TEK: variants seen among roughly 807,000 people sequenced by gnomAD.
TEK encodes the protein TEK receptor tyrosine kinase.
In TEK, 43 loss-of-function variants were observed where a neutral mutation model predicts 131.8. The observed-to-expected ratio is 0.33, with a 90% confidence interval of 0.26 to 0.42. TEK has a LOEUF of 0.42. Among genes scored for constraint, TEK ranks in the 10% least tolerant of loss-of-function variants. The pLI, the probability that TEK is intolerant of heterozygous loss-of-function variation, is 1.00. For missense variants in TEK, 1,162 were observed against 1,384.4 expected (o/e 0.84, Z 2.55); for synonymous variants, 580 against 491.6 (o/e 1.18, Z -2.38).
intron 14 of TEK, 129 bp from the exon 15 acceptor site, chr9:27,206,453 C>T (rs1825402692): frequency 7.3e-6 from 8 of 1,102,296 alleles, no homozygotes; most frequent in Non-Finnish European, 1.1e-5. Flanking sequence ...AAACCTATTT[C>T]CCTTTCCAGT....
At chr9:27,135,816 C>A (rs545680042) in intron 1 of TEK, among the ~76,000 whole-genome samples, 1 of 152,196 alleles carries the variant, frequency 6.6e-6, no homozygotes, top group South Asian at 2.1e-4. Flanking sequence ...TGCACAGGCA[C>A]TTAGAAGCAG....
intron 1 of TEK, among the ~76,000 whole-genome samples, chr9:27,116,810 C>G (rs1455419326): frequency 6.6e-6 from 1 of 151,876 alleles, no homozygotes; most frequent in African/African-American, 2.4e-5. Context: ...CAATGACATT[C>G]CTATCCTGGG....
At chr9:27,158,171 G>A (rs1331255701) in intron 2 of TEK, 29 bp downstream of exon 2, 1 of 1,612,782 alleles carries the variant, frequency 6.2e-7, no homozygotes, top group East Asian at 2.2e-5. Flanking sequence ...TTGGGCAGGT[G>A]AGGCCCACTG....
chr9:27,193,326 C>T (rs1021576271), intron 11 of TEK, among the ~76,000 whole-genome samples: 4 of 152,120 alleles, frequency 2.6e-5, no homozygotes, highest in African/African-American at 7.2e-5. Flanking sequence ...CCCAGAGTTT[C>T]GGATTCAATG....
chr9:27,133,582 A>G (rs957818479), intron 1 of TEK, among the ~76,000 whole-genome samples: 1 of 152,180 alleles, frequency 6.6e-6, no homozygotes, highest in Non-Finnish European at 1.5e-5. Context: ...ATCTGTATCC[A>G]AATCAATTGC....
intron 12 of TEK, among the ~76,000 whole-genome samples, chr9:27,200,335 T>G (rs1394664745): frequency 3.9e-5 from 6 of 152,224 alleles, no homozygotes; most frequent in Non-Finnish European, 7.3e-5. Context: ...CTACATAAGT[T>G]TCATCCTCAT....
Position 27,229,213 on chromosome 9 carries a change from C to T in TEK, c.3356C>T (p.Ser1119Phe), listed in dbSNP as rs2131267818. The T allele has an allele frequency of 1.2e-6, 2 of 1,613,850 alleles. No individual in the cohort carries two copies. The highest frequency in any genetic ancestry group is 2.2e-5 in the South Asian group (2 of 91,082). The change falls in exon 23 of 23, where the codon TCT becomes TTT. Residue 1119 changes from serine (S) to phenylalanine (F), a missense_variant. Ser to Phe is a radical substitution (Grantham distance 155). Coordinates refer to ENST00000380036, the MANE Select transcript of TEK (RefSeq NM_000459.5). ...EKFTYAGIDC[S>F]AEEAA ...TTTACTTATGCAGGAATTGACTGTT[C>T]TGCTGAAGAAGCGGCCTAGGACAGA...
chr9:27,183,066 TG>T (rs1824450471), intron 7 of TEK, among the ~76,000 whole-genome samples: 2 of 152,220 alleles, frequency 1.3e-5, no homozygotes, highest in Admixed American at 1.3e-4. Context: ...ACTAGTTTTT[TG>T]TTTGTTGTAT....
chr9:27,139,322 A>ATTTTTTTTTTT (rs1158698852), intron 1 of TEK, among the ~76,000 whole-genome samples: 3 of 86,922 alleles, frequency 3.5e-5, no homozygotes, highest in Non-Finnish European at 6.6e-5. Context: ...AGCTTTAACA[A>ATTTTTTTTTTT]TTTTTTTTTT....
chr9:27,189,565 C>T (rs899495048), intron 9 of TEK, among the ~76,000 whole-genome samples: 5 of 152,118 alleles, frequency 3.3e-5, no homozygotes, highest in Non-Finnish European at 7.3e-5. Context: ...CCATTCCAAT[C>T]CCTTGAGTCA....
At chr9:27,133,736 G>A (rs144786429) in intron 1 of TEK, among the ~76,000 whole-genome samples, 104 of 152,274 alleles carry the variant, frequency 6.8e-4, no homozygotes, top group African/African-American at 2.4e-3. Context: ...ATGCCTGGAC[G>A]TCTCTGGGAT....
intron 1 of TEK, among the ~76,000 whole-genome samples, chr9:27,149,870 AT>A (rs1357925997): frequency 1.3e-5 from 2 of 152,180 alleles, no homozygotes; most frequent in East Asian, 3.9e-4. Context: ...CCAAAGATGC[AT>A]TTTTCCCATA....
chr9:27,119,521 G>A (rs1481659756), intron 1 of TEK, among the ~76,000 whole-genome samples: 1 of 152,164 alleles, frequency 6.6e-6, no homozygotes, highest in Non-Finnish European at 1.5e-5. Flanking sequence ...GCTTCCCTTG[G>A]TGTCCTAAGT....
intron 1 of TEK, among the ~76,000 whole-genome samples, chr9:27,115,091 A>G (rs1821497170): frequency 6.6e-6 from 1 of 152,240 alleles, no homozygotes. Context: ...GTTGTGATAA[A>G]TGATTTAATA....
chr9:27,178,186 C>G (rs1339144249), intron 6 of TEK, among the ~76,000 whole-genome samples: 1 of 151,864 alleles, frequency 6.6e-6, no homozygotes, highest in Non-Finnish European at 1.5e-5. Context: ...TTGTGGTTAT[C>G]CAGTTTTCCC....
chr9:27,127,823 G>A lies in TEK; in HGVS notation c.52+18181G>A, dbSNP rs183643710. Among the ~76,000 whole-genome samples the A allele has an allele frequency of 5.3e-4, 81 of 152,268 alleles. 1 individual carries two copies. The highest frequency in any genetic ancestry group is 3.8e-3 in the Admixed American group (58 of 15,288). On this transcript the variant is annotated intron_variant, in intron 1 of 22. Transcript: ENST00000380036. ...TCCTTTACCCAATTTTGATGGGGTT[G>A]TTTGATTTTTTCTTGTAAATTTGTT...
Position 27,131,058 on chromosome 9 carries a change from C to T in TEK, c.52+21416C>T, listed in dbSNP as rs557524757. On this transcript the variant is annotated intron_variant, in intron 1 of 22. Transcript: ENST00000380036. Reference sequence around the variant, plus strand: ...AAAACAAGATACCAATTTTCCACGTCAAACTAGCGAAGATTAAAAACAAGT... The same window carrying T: ...AAAACAAGATACCAATTTTCCACGTTAAACTAGCGAAGATTAAAAACAAGT... Among the ~76,000 whole-genome samples, 263 of 152,282 alleles carry T rather than the reference C, an allele frequency of 1.7e-3. 2 individuals carry two copies. Among genetic ancestry groups the T allele is most frequent in the African/African-American group, 6.2e-3 (256 of 41,558 alleles).
intron 13 of TEK, among the ~76,000 whole-genome samples, chr9:27,203,802 G>A (rs1236780751): frequency 1.3e-5 from 2 of 152,216 alleles, no homozygotes; most frequent in East Asian, 1.9e-4. Flanking sequence ...ATGGAGGCAC[G>A]TTAGAGGCAA....
At chr9:27,219,736 G>GAC (rs1208479446) in intron 20 of TEK, among the ~76,000 whole-genome samples, 9 of 121,350 alleles carry the variant, frequency 7.4e-5, no homozygotes, top group Admixed American at 1.5e-4. Context: ...AGAAAAAAAG[G>GAC]TTAATCTTAT....
Sources: gnomAD v4.1 joint callset for allele counts (sites outside exome capture counted in the v4.1 genomes callset) on GRCh38, gnomAD v4.1.1 for gene constraint, MANE v1.5 for transcripts, NCBI Gene and HGNC (gene_info 2026-07-23, HGNC 2026-07-21) for gene names.